NCAPD2: variants seen among roughly 807,000 people sequenced by gnomAD.
The protein encoded by NCAPD2 is condensin complex subunit 1.
NCAPD2 carries 100 observed loss-of-function variants against 164.5 expected under a neutral mutation model. That is an observed-to-expected ratio of 0.61 (90% CI 0.52 to 0.72). The LOEUF (loss-of-function observed/expected upper bound fraction) is 0.72, where lower values mean the gene tolerates loss of function less well. Ranked by LOEUF, NCAPD2 falls within the 30% of genes least tolerant of loss-of-function variation. NCAPD2 has a pLI of 0.00. For missense variants in NCAPD2, 1,560 were observed against 1,749.2 expected (o/e 0.89, Z 1.93); for synonymous variants, 585 against 642.6 (o/e 0.91, Z 1.36).
chr12:6,511,355 A>G (rs1203125602), intron 6 of NCAPD2, 103 bp downstream of exon 6: 2 of 1,350,250 alleles, frequency 1.5e-6, no homozygotes, highest in Non-Finnish European at 2.0e-6. Flanking sequence ...GTGGGGGGAC[A>G]GAGCTTCACT....
intron 15 of NCAPD2, 148 bp from the exon 16 acceptor site, chr12:6,522,680 T>C (rs1946274848): frequency 2.4e-6 from 2 of 835,748 alleles, no homozygotes; most frequent in East Asian, 4.9e-5. Context: ...TAGTATTTCA[T>C]GATAAGGCAT....
chr12:6,513,238 A>C (rs972551440), intron 6 of NCAPD2, among the ~76,000 whole-genome samples: 2 of 152,138 alleles, frequency 1.3e-5, no homozygotes, highest in Non-Finnish European at 2.9e-5. Flanking sequence ...ACCCTAGGGC[A>C]CTCCAGCATT....
At chr12:6,500,485 T>C (rs1946024790) in intron 2 of NCAPD2, among the ~76,000 whole-genome samples, 1 of 152,136 alleles carries the variant, frequency 6.6e-6, no homozygotes, top group Non-Finnish European at 1.5e-5. Context: ...TGCATTAAGC[T>C]AGGAAAAAGA....
At chr12:6,508,738 AAAT>A (rs1429671532) in intron 2 of NCAPD2, among the ~76,000 whole-genome samples, 1 of 152,230 alleles carries the variant, frequency 6.6e-6, no homozygotes, top group Non-Finnish European at 1.5e-5. Flanking sequence ...GCAAAGGGGA[AAAT>A]AATAATGTTA....
Position 6,522,001 on chromosome 12 carries a change from A to G in NCAPD2, c.1918A>G (p.Ile640Val), listed in dbSNP as rs781620429. 3 of 1,614,094 alleles carry G rather than the reference A, an allele frequency of 1.9e-6. No homozygotes were observed. The highest frequency in any genetic ancestry group is 2.7e-5 in the African/African-American group (2 of 74,934). The change falls in exon 15 of 32, where the codon ATC becomes GTC. Residue 640 changes from isoleucine (I) to valine (V), a missense_variant. Transcript: ENST00000315579. ...CCGGAAGATTACAGAGGCCATTGGC[A>G]TCATCAGCAAGATGATGTATGAAAA... ...FSRKITEAIG[I>V]ISKMMYENTT...
intron 2 of NCAPD2, among the ~76,000 whole-genome samples, chr12:6,498,852 C>T (rs945849984): frequency 1.3e-5 from 2 of 152,242 alleles, no homozygotes; most frequent in South Asian, 4.1e-4. Flanking sequence ...GATCTGCCCA[C>T]CTCGGCCTCC....
rs200718861 is a variant in NCAPD2 at position 6,529,051 on chromosome 12, C to T, written c.3572+12C>T. On this transcript the variant is annotated intron_variant, in intron 27 of 31. Transcript: ENST00000315579. ...CACACCATCATGAAGTATTGCTCCCCGGGCCCTGGGGCACATTTTCCACAT... is the reference window on the plus strand; with the variant it reads ...CACACCATCATGAAGTATTGCTCCCTGGGCCCTGGGGCACATTTTCCACAT... 2.7e-4 allele frequency: 437 copies of T among 1,609,426 alleles called. No individual in the cohort carries two copies. The highest frequency in any genetic ancestry group is 4.0e-4 in the Admixed American group (24 of 59,974).
At chr12:6,530,210 C>T (rs1275211033) in intron 29 of NCAPD2, among the ~76,000 whole-genome samples, 1 of 152,198 alleles carries the variant, frequency 6.6e-6, no homozygotes, top group Non-Finnish European at 1.5e-5. Flanking sequence ...TTTTATTTTT[C>T]AGAGCAGTTT....
chr12:6,505,279 T>A (rs1009863062), intron 2 of NCAPD2, among the ~76,000 whole-genome samples: 1 of 152,182 alleles, frequency 6.6e-6, no homozygotes, highest in Admixed American at 6.5e-5. Flanking sequence ...TTGGTCAGGC[T>A]GGTCTCGAGC....
intron 6 of NCAPD2, among the ~76,000 whole-genome samples, chr12:6,513,187 T>C (rs1005731042): frequency 6.6e-6 from 1 of 151,920 alleles, no homozygotes; most frequent in Non-Finnish European, 1.5e-5. Context: ...AATTACCAAA[T>C]CAGTAAGTGT....
chr12:6,507,547 C>T (rs908641306), intron 2 of NCAPD2, among the ~76,000 whole-genome samples: 3 of 152,184 alleles, frequency 2.0e-5, no homozygotes, highest in African/African-American at 4.8e-5. Context: ...TCCCATTTGC[C>T]GGGGTCGGGT....
chr12:6,522,843 T>C lies in NCAPD2; in HGVS notation c.1970T>C (p.Ile657Thr), dbSNP rs768272935. ...GTTCTCTCAGTGGTGCAGGAGGTGA[T>C]TGAATTCTTTGTGATGGTCTTCCAA... The part of the protein sequence containing the change: ...ENTTTVVQEV[I>T]EFFVMVFQFG... The change falls in exon 16 of 32, where the codon ATT becomes ACT. Residue 657 changes from isoleucine to threonine, a missense_variant. Physicochemically the swap from Ile to Thr is moderately conservative, Grantham distance 89 (BLOSUM62 -1). Transcript: ENST00000315579. 2 of 1,614,066 alleles carry C rather than the reference T, an allele frequency of 1.2e-6. No homozygotes were observed. The highest frequency in any genetic ancestry group is 2.7e-5 in the African/African-American group (2 of 75,010).
At chr12:6,518,510 T>TTTTTTTTTTGTTTTG (rs1565544135) in intron 13 of NCAPD2, among the ~76,000 whole-genome samples, 1 of 50,296 alleles carries the variant, frequency 2.0e-5, no homozygotes, top group African/African-American at 1.1e-4. Context: ...ACAAGTTTTT[T>TTTTTTTTTTGTTTTG]TTTTTTTTTT....
chr12:6,495,115 A>T lies in NCAPD2; in HGVS notation c.17A>T (p.Tyr6Phe). ...AGGAGTAGAATGGCTCCCCAAATGT[A>T]TGAGTTCCATCTGCCATTATCCCCA... MAPQM[Y>F]EFHLPLSPEE... is the part of the protein sequence containing the mutation. Residue 6 changes from tyrosine to phenylalanine, a missense_variant, in exon 2 of 32, where the codon TAT becomes TTT. Tyr to Phe is a conservative substitution (Grantham distance 22). Coordinates refer to ENST00000315579, the MANE Select transcript of NCAPD2 (RefSeq NM_014865.4). 1 of 1,614,144 alleles carries T rather than the reference A, an allele frequency of 6.2e-7. No homozygotes were observed. The highest frequency in any genetic ancestry group is 1.1e-5 in the South Asian group (1 of 91,084).
chr12:6,522,107 T>C, intron 15 of NCAPD2, 70 bp downstream of exon 15: 1 of 1,521,552 alleles, frequency 6.6e-7, no homozygotes, highest in East Asian at 2.3e-5. Flanking sequence ...TTTAAATTTT[T>C]ATTAACAATA....
intron 13 of NCAPD2, among the ~76,000 whole-genome samples, chr12:6,518,621 A>C: frequency 1.4e-5 from 2 of 139,120 alleles, no homozygotes; most frequent in Admixed American, 7.8e-5. Context: ...CCCAGGTTCA[A>C]GCAATTCTCG....
At chr12:6,514,217 T>C in intron 6 of NCAPD2, 48 bp from the exon 7 acceptor site, 1 of 1,612,632 alleles carries the variant, frequency 6.2e-7, no homozygotes, top group Non-Finnish European at 8.5e-7. Flanking sequence ...TCTGATACAA[T>C]TGGATTCAGA....
chr12:6,495,310 T>G, intron 2 of NCAPD2, 85 bp downstream of exon 2: 1 of 1,516,234 alleles, frequency 6.6e-7, no homozygotes, highest in South Asian at 1.2e-5. Flanking sequence ...TCTGTTCCAC[T>G]ACACCAGGAA....
intron 2 of NCAPD2, among the ~76,000 whole-genome samples, chr12:6,502,979 G>A: frequency 6.7e-6 from 1 of 149,740 alleles, no homozygotes; most frequent in East Asian, 2.0e-4. Flanking sequence ...TGAGCAGCTG[G>A]GATTACAGGC....
Sources: gnomAD v4.1 joint callset for allele counts (sites outside exome capture counted in the v4.1 genomes callset) on GRCh38, gnomAD v4.1.1 for gene constraint, MANE v1.5 for transcripts, NCBI Gene and HGNC (gene_info 2026-07-23, HGNC 2026-07-21) for gene names.